ERMAP: variants seen among roughly 807,000 people sequenced by gnomAD.
ERMAP encodes erythroblast membrane associated protein (Scianna blood group), also known as erythroid membrane-associated protein.
ERMAP carries 34 observed loss-of-function variants against 49.5 expected under a neutral mutation model. The observed-to-expected ratio is 0.69, with a 90% CI of 0.52 to 0.91. The LOEUF (loss-of-function observed/expected upper bound fraction) is 0.91. Ranked by LOEUF, ERMAP falls within the 40% of genes least tolerant of loss-of-function variation. The probability of loss-of-function intolerance (pLI) is 0.00; values close to 1 mark genes in which losing one functional copy is unlikely to be tolerated. For missense variants in ERMAP, 541 were observed against 582.6 expected, an observed-to-expected ratio of 0.93 and a Z score of 0.74; for synonymous variants, 214 against 232.2, an observed-to-expected ratio of 0.92 and a Z score of 0.71.
chr1:42,835,628 C>A (rs1032369944), intron 5 of ERMAP, 104 bp from the exon 6 acceptor site: 17 of 1,467,898 alleles, frequency 1.2e-5, no homozygotes, highest in Non-Finnish European at 8.4e-6. Flanking sequence ...CCTGTAGTGA[C>A]AAGGAGTCAG....
intron 6 of ERMAP, among the ~76,000 whole-genome samples, chr1:42,836,121 C>G (rs1216475914): frequency 6.6e-6 from 1 of 151,866 alleles, no homozygotes; most frequent in African/African-American, 2.4e-5. Flanking sequence ...TGAGTAAAAG[C>G]AGACACAGTT....
chr1:42,841,283 A>C (rs747600178), intron 11 of ERMAP, among the ~76,000 whole-genome samples: 6 of 152,228 alleles, frequency 3.9e-5, no homozygotes, highest in African/African-American at 9.7e-5. Context: ...CTCTAAGAAG[A>C]AGCTGTTTCC....
At chr1:42,834,704 C>T (rs925094124) in intron 4 of ERMAP, 8 of 235,386 alleles carry the variant, frequency 3.4e-5, no homozygotes, top group Admixed American at 1.5e-4. Flanking sequence ...TACAGGTGCC[C>T]GCCACCACAC....
At chr1:42,842,411 C>T in intron 11 of ERMAP, 106 bp from the exon 12 acceptor site, 1 of 965,570 alleles carries the variant, frequency 1.0e-6, no homozygotes, top group Non-Finnish European at 1.5e-6. Flanking sequence ...CTAAAATGGG[C>T]TAATGACAGT....
In ERMAP at chr1:42,842,698, T is replaced by C. The variant is rs1450297450; in HGVS notation, c.894T>C (p.Tyr298=). The C allele has an allele frequency of 6.2e-7, 1 of 1,614,146 alleles. No homozygotes were observed. Reference sequence around the variant, plus strand: ...CTGGCTGCCACTACTGGGAGGTGTATGTGGGAGACAAGACCAAATGGATTC... The same window carrying C: ...CTGGCTGCCACTACTGGGAGGTGTACGTGGGAGACAAGACCAAATGGATTC... ...FTTGCHYWEV[Y]VGDKTKWILG... is the part of the protein sequence containing the mutation. Residue 298 remains tyrosine, a synonymous_variant, in exon 12 of 12, where the codon TAT becomes TAC. Coordinates refer to ENST00000372517, the MANE Select transcript of ERMAP (RefSeq NM_001017922.2).
Position 42,843,297 on chromosome 1 carries a change from C to A in ERMAP, c.*65C>A. On this transcript the variant is annotated 3_prime_UTR_variant, in exon 12 of 12. Coordinates refer to ENST00000372517, the MANE Select transcript of ERMAP (RefSeq NM_001017922.2). ...AGCACCCTGGACTTCAGTCGCCTGG[C>A]CCAACCCCATGATTATGGAACGTCT... is the stretch of plus-strand genomic sequence containing the variant. 8.3e-7 allele frequency: 1 copy of A among 1,208,366 alleles called. No homozygotes were observed. The highest frequency in any genetic ancestry group is 1.2e-6 in the Non-Finnish European group (1 of 869,100). 74.9% of individuals were successfully genotyped at this position (1,208,366 alleles called of 1,614,324 possible).
chr1:42,824,306 C>G (rs1409134661), intron 1 of ERMAP: 1 of 151,628 alleles, frequency 6.6e-6, no homozygotes, highest in Non-Finnish European at 1.5e-5. Flanking sequence ...CGAGATCGTA[C>G]CACTGCACTC....
intron 4 of ERMAP, among the ~76,000 whole-genome samples, chr1:42,831,870 C>T (rs1213570943): frequency 6.6e-6 from 1 of 151,980 alleles, no homozygotes; most frequent in East Asian, 1.9e-4. Context: ...AGCCACTGCA[C>T]CCAGTTGAGA....
At chr1:42,824,631 C>G (rs1289200810) in intron 1 of ERMAP, 2 of 151,998 alleles carry the variant, frequency 1.3e-5, no homozygotes, top group African/African-American at 2.4e-5. Flanking sequence ...TGGGAATGAG[C>G]AAAAAAGGAA....
At chr1:42,834,709 C>T (rs1654842787) in intron 4 of ERMAP, 2 of 240,706 alleles carry the variant, frequency 8.3e-6, no homozygotes, top group Non-Finnish European at 1.7e-5. Flanking sequence ...GTGCCCGCCA[C>T]CACACCTGGC....
chr1:42,826,010 G>A (rs943181887), intron 2 of ERMAP, among the ~76,000 whole-genome samples: 3 of 152,184 alleles, frequency 2.0e-5, no homozygotes, highest in Admixed American at 6.5e-5. Context: ...TTTGCTGGAC[G>A]CTGTGCTGTG....
intron 4 of ERMAP, 41 bp downstream of exon 4, chr1:42,831,156 T>C (rs1187227775): frequency 6.3e-6 from 10 of 1,591,068 alleles, no homozygotes; most frequent in Non-Finnish European, 8.6e-6. Context: ...TTTGTGGCAA[T>C]TGGACAAGCT....
rs185910932 is a variant in ERMAP at position 42,840,757 on chromosome 1, C to A, written c.712+461C>A. Among the ~76,000 whole-genome samples the A allele has an allele frequency of 2.4e-3, 359 of 152,216 alleles. 3 individuals are homozygous for A. The highest frequency in any genetic ancestry group is 7.9e-3 in the African/African-American group (329 of 41,528). ...CATAAGTGTTTTATTTTTACGTAGT[C>A]AAATTCATTCATCTTTTTCTGTGTA... On this transcript the variant is annotated intron_variant, in intron 11 of 11. Coordinates refer to ENST00000372517, the MANE Select transcript of ERMAP (RefSeq NM_001017922.2).
Position 42,825,604 on chromosome 1 carries a change from T to C in ERMAP, c.-121-19T>C, listed in dbSNP as rs2124292794. 7.8e-7 allele frequency: 1 copy of C among 1,279,934 alleles called. No homozygotes were observed. Among genetic ancestry groups the C allele is most frequent in the Middle Eastern group, 2.6e-4 (1 of 3,808 alleles). The allele number at this position is 1,279,934 out of a possible 1,614,324, so 79.3% of individuals were successfully genotyped here. ...TCATATTTCATAAAATATGAACTTT[T>C]CCCGGCCCACATCCCTAGGCCTTCC... On this transcript the variant is annotated intron_variant, in intron 1 of 11. Coordinates refer to ENST00000372517, the MANE Select transcript of ERMAP (RefSeq NM_001017922.2).
At chr1:42,840,833 A>G (rs1655038225) in intron 11 of ERMAP, among the ~76,000 whole-genome samples, 1 of 151,822 alleles carries the variant, frequency 6.6e-6, no homozygotes, top group Non-Finnish European at 1.5e-5. Flanking sequence ...CCACAACCAG[A>G]TAAATAGCCA....
At chr1:42,842,430 A>G in intron 11 of ERMAP, 87 bp from the exon 12 acceptor site, 1 of 1,198,482 alleles carries the variant, frequency 8.3e-7, no homozygotes, top group Non-Finnish European at 1.2e-6. Flanking sequence ...GTGATGGCAG[A>G]CCTAAGATTC....
chr1:42,839,785 G>A, intron 8 of ERMAP: 1 of 579,656 alleles, frequency 1.7e-6, no homozygotes, highest in South Asian at 2.2e-5. Flanking sequence ...TGTGAGATGT[G>A]TTATTTATTT....
rs1327541951 is a variant in ERMAP, at chr1:42,844,107, C to G, written c.*875C>G. The G allele has an allele frequency of 1.3e-5, 5 of 398,474 alleles. No homozygotes were observed. Among genetic ancestry groups the G allele is most frequent in the African/African-American group, 2.1e-5 (1 of 48,620 alleles). The allele number at this position is 398,474 out of a possible 1,614,324, so 24.7% of individuals were successfully genotyped here. ...AGAGAGGTCCAGCTAGAAAAAGTGG[C>G]AGTTTTAACCACCAACGTAGAAGCT... is the stretch of plus-strand genomic sequence containing the variant. On this transcript the variant is annotated 3_prime_UTR_variant, in exon 12 of 12. Transcript: ENST00000372517. The surrounding 1 kb of genome is among the most constrained non-coding windows in gnomAD (Gnocchi z 4.0).
intron 5 of ERMAP, among the ~76,000 whole-genome samples, chr1:42,835,369 A>C (rs1654864871): frequency 6.6e-6 from 1 of 152,176 alleles, no homozygotes; most frequent in Non-Finnish European, 1.5e-5. Context: ...CAGAGCTGTA[A>C]ATTCTCATCC....
Sources: gnomAD v4.1 joint callset for allele counts (sites outside exome capture counted in the v4.1 genomes callset) on GRCh38, gnomAD v4.1.1 for gene constraint, Gnocchi (gnomAD v3.1) non-coding constraint, MANE v1.5 for transcripts, NCBI Gene and HGNC (gene_info 2026-07-23, HGNC 2026-07-21) for gene names.